CNTNAP5: variants seen among roughly 807,000 people sequenced by gnomAD.
The protein encoded by CNTNAP5 is contactin-associated protein-like 5.
In CNTNAP5, 72 loss-of-function variants were observed where a neutral mutation model predicts 150.2. That is an observed-to-expected ratio of 0.48 (90% CI 0.40 to 0.58). The LOEUF is 0.58. CNTNAP5 is among the 20% of genes least tolerant of loss of function. CNTNAP5 has a pLI of 0.00. For synonymous variants in CNTNAP5, 672 were observed against 619.8 expected (o/e 1.08, Z -1.25); for missense variants, 1,636 against 1,626.2 (o/e 1.01, Z -0.10).
chr2:124,545,049 G>A (rs533898678), intron 10 of CNTNAP5, among the ~76,000 whole-genome samples: 28 of 152,018 alleles, frequency 1.8e-4, no homozygotes, highest in East Asian at 1.2e-3. Flanking sequence ...AAGAAGACAA[G>A]TTTACTATAT....
intron 12 of CNTNAP5, among the ~76,000 whole-genome samples, chr2:124,644,766 A>T (rs1323042668): frequency 6.6e-6 from 1 of 152,206 alleles, no homozygotes; most frequent in African/African-American, 2.4e-5. Flanking sequence ...AACAGTAATC[A>T]GAGGACATAG....
chr2:124,266,384 G>A (rs1277194048), intron 3 of CNTNAP5, among the ~76,000 whole-genome samples: 6 of 152,134 alleles, frequency 3.9e-5, no homozygotes, highest in African/African-American at 1.4e-4. Flanking sequence ...TATGAATATA[G>A]TATCAATTTC....
chr2:124,302,537 T>A (rs12611812), intron 3 of CNTNAP5, among the ~76,000 whole-genome samples: 80,216 of 151,958 alleles, frequency 0.53, 21,501 homozygotes, highest in Non-Finnish European at 0.58. Flanking sequence ...AGAGGAAAAG[T>A]ACTAAACCTA....
rs557611354 is a variant in CNTNAP5, at chr2:124,214,842, C to G, written c.83-6863C>G. Among the ~76,000 whole-genome samples, 3 of 152,234 alleles carry G rather than the reference C, an allele frequency of 2.0e-5. No homozygotes were observed. In the East Asian group the frequency reaches 5.8e-4, roughly 29 times the overall value. On this transcript the variant is annotated intron_variant, in intron 1 of 23. Coordinates refer to ENST00000682447, the MANE Select transcript of CNTNAP5 (RefSeq NM_001367498.1). Reference sequence around the variant, plus strand: ...CAACCATGAGTATTTAGCAGCTGATCAAAAAGCAAGTTCTGCATCAATCTG... The same window carrying G: ...CAACCATGAGTATTTAGCAGCTGATGAAAAAGCAAGTTCTGCATCAATCTG...
intron 8 of CNTNAP5, among the ~76,000 whole-genome samples, chr2:124,511,984 T>A (rs1694602856): frequency 6.6e-6 from 1 of 151,352 alleles, no homozygotes; most frequent in East Asian, 2.0e-4. Context: ...TGTGCGCACA[T>A]CTATGTTGGT....
intron 13 of CNTNAP5, chr2:124,680,925 C>A (rs1005868176): frequency 6.6e-6 from 1 of 151,628 alleles, no homozygotes; most frequent in African/African-American, 2.4e-5. Flanking sequence ...ATGTTTGTAA[C>A]TTTTATTTGG....
chr2:124,725,876 T>C (rs976699244), intron 13 of CNTNAP5, among the ~76,000 whole-genome samples: 10 of 152,102 alleles, frequency 6.6e-5, no homozygotes, highest in African/African-American at 2.4e-4. Flanking sequence ...TTCATGTCAT[T>C]GGAAATGGCA....
chr2:124,858,901 A>G (rs888809062), intron 19 of CNTNAP5, among the ~76,000 whole-genome samples: 2 of 152,182 alleles, frequency 1.3e-5, no homozygotes, highest in Admixed American at 1.3e-4. Flanking sequence ...TTACATAAAA[A>G]TTAATTCAAG....
intron 23 of CNTNAP5, 109 bp downstream of exon 23, chr2:124,911,647 C>A (rs1678657809): frequency 1.2e-6 from 1 of 817,568 alleles, no homozygotes; most frequent in Non-Finnish European, 2.0e-6. Context: ...TCAGAGCCCC[C>A]TACATTACCT....
intron 3 of CNTNAP5, among the ~76,000 whole-genome samples, chr2:124,373,160 A>G (rs1338415619): frequency 2.0e-5 from 3 of 152,176 alleles, no homozygotes; most frequent in Admixed American, 6.5e-5. Flanking sequence ...AGGGAGAGGA[A>G]CATTCGATAA....
At chr2:124,728,962 G>A (rs1253000356) in intron 13 of CNTNAP5, among the ~76,000 whole-genome samples, 1 of 151,944 alleles carries the variant, frequency 6.6e-6, no homozygotes, top group Non-Finnish European at 1.5e-5. Context: ...TCTTATAAAG[G>A]CCCTCTCACT....
intron 1 of CNTNAP5, among the ~76,000 whole-genome samples, chr2:124,103,625 T>C (rs1028327800): frequency 6.6e-6 from 1 of 152,048 alleles, no homozygotes; most frequent in African/African-American, 2.4e-5. Flanking sequence ...ACATGGTGTA[T>C]AGGTTTGTAG....
At chr2:124,078,621 C>T (rs1164524108) in intron 1 of CNTNAP5, among the ~76,000 whole-genome samples, 1 of 152,204 alleles carries the variant, frequency 6.6e-6, no homozygotes, top group African/African-American at 2.4e-5. Context: ...TTTGCCAGCT[C>T]TGATGCAATA....
chr2:124,724,561 T>G (rs192478007), intron 13 of CNTNAP5, among the ~76,000 whole-genome samples: 56 of 152,270 alleles, frequency 3.7e-4, no homozygotes, highest in African/African-American at 1.3e-3. Flanking sequence ...TAGTAATGTG[T>G]GTGGAGATCT....
Position 124,373,863 on chromosome 2 carries a change from A to G in CNTNAP5, c.382-43580A>G, listed in dbSNP as rs185652355. Among the ~76,000 whole-genome samples, 557 of 152,198 alleles carry G rather than the reference A, an allele frequency of 3.7e-3. 2 individuals are homozygous for G. Among genetic ancestry groups the G allele is most frequent in the South Asian group, 0.02 (95 of 4,832 alleles). On this transcript the variant is annotated intron_variant, in intron 3 of 23. Transcript: ENST00000682447. ...CTTAGTTAAAAATTTTAATAGGCAT[A>G]TAGAATGATGTACTAAGCTATTAAT...
chr2:124,712,296 G>C (rs1394610506), intron 13 of CNTNAP5, among the ~76,000 whole-genome samples: 1 of 152,170 alleles, frequency 6.6e-6, no homozygotes, highest in Non-Finnish European at 1.5e-5. Context: ...GCATTTACTT[G>C]TATTGCCTCA....
At chr2:124,554,422 CTT>C (rs5834078) in intron 10 of CNTNAP5, among the ~76,000 whole-genome samples, 12 of 137,072 alleles carry the variant, frequency 8.8e-5, no homozygotes, top group Admixed American at 7.4e-5. Flanking sequence ...ATACTTTTTT[CTT>C]TTTTTTTTTT....
intron 3 of CNTNAP5, among the ~76,000 whole-genome samples, chr2:124,410,247 C>T (rs1302855958): frequency 2.8e-4 from 42 of 147,574 alleles, no homozygotes; most frequent in Non-Finnish European, 5.0e-4. Context: ...GAGTGACCTA[C>T]AAAGAGACTT....
At chr2:124,635,509 T>C (rs1208002101) in intron 12 of CNTNAP5, among the ~76,000 whole-genome samples, 1 of 152,152 alleles carries the variant, frequency 6.6e-6, no homozygotes, top group Non-Finnish European at 1.5e-5. Flanking sequence ...AGCAGGATCA[T>C]GAATGCAGAG....
Sources: allele counts gnomAD v4.1 joint callset (sites outside exome capture counted in the v4.1 genomes callset), GRCh38; gene constraint gnomAD v4.1.1; transcripts MANE v1.5; gene names NCBI Gene and HGNC (gene_info 2026-07-23, HGNC 2026-07-21).